The following GRIK2 variants were observed in gnomAD, a reference collection of about 807,000 sequenced individuals.
The protein encoded by GRIK2 is glutamate ionotropic receptor kainate type subunit 2.
Under a neutral mutation model 100.3 loss-of-function variants are expected in GRIK2, and 32 were observed. The observed-to-expected ratio is 0.32, with a 90% confidence interval of 0.24 to 0.43. The LOEUF (loss-of-function observed/expected upper bound fraction) is 0.43. GRIK2 is among the 20% of genes least tolerant of loss of function. The probability of loss-of-function intolerance (pLI) is 1.00; values close to 1 mark genes in which losing one functional copy is unlikely to be tolerated. For synonymous variants in GRIK2, 417 were observed against 389.4 expected (o/e 1.07, Z -0.83); for missense variants, 843 against 1,114.9 (o/e 0.76, Z 3.47).
At chr6:101,701,906 C>T (rs1190403991) in intron 7 of GRIK2, among the ~76,000 whole-genome samples, 1 of 151,998 alleles carries the variant, frequency 6.6e-6, no homozygotes, top group Non-Finnish European at 1.5e-5. Flanking sequence ...TAGAAGTTCT[C>T]TTAACCCACC....
rs972519107 is a variant in GRIK2, at chr6:101,632,595, G to A, written c.541+5958G>A. Among the ~76,000 whole-genome samples, 3 of 152,134 alleles carry A rather than the reference G, an allele frequency of 2.0e-5. No individual in the cohort carries two copies. The East Asian group carries it at 5.8e-4, about 29-fold the overall frequency. ...TTTCAAAAATTTTATAAGAAAGCTC[G>A]AGTGAATTGTGTTTCTTTGATTTCA... On this transcript the variant is annotated intron_variant, in intron 4 of 16. Transcript: ENST00000369134.
intron 4 of GRIK2, among the ~76,000 whole-genome samples, chr6:101,627,596 A>G (rs917005088): frequency 1.3e-5 from 2 of 152,222 alleles, no homozygotes; most frequent in Admixed American, 6.5e-5. Flanking sequence ...GAATGCATAT[A>G]AAACGTAACA....
chr6:101,986,655 T>A (rs1794031048), intron 14 of GRIK2, among the ~76,000 whole-genome samples: 1 of 151,892 alleles, frequency 6.6e-6, no homozygotes, highest in African/African-American at 2.4e-5. Context: ...CTTCCTTGCA[T>A]GAACTGACGG....
At chr6:101,631,809 C>A (rs1379553996) in intron 4 of GRIK2, among the ~76,000 whole-genome samples, 1 of 152,082 alleles carries the variant, frequency 6.6e-6, no homozygotes, top group Non-Finnish European at 1.5e-5. Context: ...TCTAACTGGT[C>A]TCCCTTTTTC....
At chr6:101,818,986 A>G (rs1426874092) in intron 10 of GRIK2, among the ~76,000 whole-genome samples, 2 of 152,096 alleles carry the variant, frequency 1.3e-5, no homozygotes, top group Non-Finnish European at 2.9e-5. Flanking sequence ...GAATTTCCCT[A>G]ATGTAACCAA....
intron 2 of GRIK2, among the ~76,000 whole-genome samples, chr6:101,608,811 G>GTGTA (rs1356943995): frequency 3.7e-4 from 36 of 98,178 alleles, no homozygotes; most frequent in South Asian, 1.3e-3. Flanking sequence ...GTGTGTGTGT[G>GTGTA]TGTATGTATG....
chr6:101,777,871 G>A (rs942097478), intron 7 of GRIK2, among the ~76,000 whole-genome samples: 3 of 152,148 alleles, frequency 2.0e-5, no homozygotes, highest in East Asian at 1.9e-4. Context: ...ATTTAGAAAC[G>A]GGACAGAGGC....
chr6:101,976,772 A>C (rs951999610), intron 14 of GRIK2, among the ~76,000 whole-genome samples: 1 of 151,788 alleles, frequency 6.6e-6, no homozygotes, highest in African/African-American at 2.4e-5. Context: ...CATAGGGAAG[A>C]GAAAAATGTC....
intron 2 of GRIK2, among the ~76,000 whole-genome samples, chr6:101,578,889 T>G (rs1777914502): frequency 6.6e-6 from 1 of 152,192 alleles, no homozygotes; most frequent in South Asian, 2.1e-4. Flanking sequence ...AAAACAGTTT[T>G]CAAAAGCAAT....
chr6:101,417,314 C>T (rs955280952), intron 2 of GRIK2, among the ~76,000 whole-genome samples: 11 of 152,136 alleles, frequency 7.2e-5, no homozygotes, highest in African/African-American at 2.7e-4. Flanking sequence ...GTTGGGGACA[C>T]AGCCAAACCA....
chr6:101,949,613 G>C (rs1168030410), intron 14 of GRIK2, among the ~76,000 whole-genome samples: 1 of 151,976 alleles, frequency 6.6e-6, no homozygotes, highest in Non-Finnish European at 1.5e-5. Context: ...GTGGTGTTTG[G>C]TTTTCTGTTC....
chr6:101,880,144 T>G (rs558072044), intron 11 of GRIK2, among the ~76,000 whole-genome samples: 1 of 152,090 alleles, frequency 6.6e-6, no homozygotes, highest in Admixed American at 6.6e-5. Context: ...GCTATTCTTA[T>G]GTCTAGCTAT....
intron 2 of GRIK2, among the ~76,000 whole-genome samples, chr6:101,612,195 AG>A (rs1779711574): frequency 6.6e-6 from 1 of 151,928 alleles, no homozygotes; most frequent in Non-Finnish European, 1.5e-5. Context: ...GTCTTGCTAA[AG>A]CAGAATTCAA....
chr6:101,797,273 G>A (rs1780365672), intron 7 of GRIK2, among the ~76,000 whole-genome samples: 1 of 148,856 alleles, frequency 6.7e-6, no homozygotes, highest in African/African-American at 2.5e-5. Flanking sequence ...TTTTACTCAT[G>A]ATTAATTCAC....
At chr6:101,723,046 G>C (rs1391722013) in intron 7 of GRIK2, among the ~76,000 whole-genome samples, 2 of 152,100 alleles carry the variant, frequency 1.3e-5, no homozygotes, top group South Asian at 2.1e-4. Flanking sequence ...AGTCATGCCT[G>C]GAGTAGGTGA....
chr6:101,572,615 T>G (rs1435263097), intron 2 of GRIK2, among the ~76,000 whole-genome samples: 1 of 151,920 alleles, frequency 6.6e-6, no homozygotes, highest in Non-Finnish European at 1.5e-5. Flanking sequence ...GTGTTCCTTT[T>G]AGAGTGACTC....
At chr6:101,902,105 C>T (rs949322086) in intron 12 of GRIK2, among the ~76,000 whole-genome samples, 6 of 151,902 alleles carry the variant, frequency 3.9e-5, no homozygotes, top group Non-Finnish European at 7.4e-5. Context: ...AAAGGGCTTT[C>T]CTTTGTAGCA....
chr6:101,777,443 GTTAATATCTGTATTATCTAACTAAAGAAC>G (rs1778816846), intron 7 of GRIK2, among the ~76,000 whole-genome samples: 1 of 152,206 alleles, frequency 6.6e-6, no homozygotes, highest in African/African-American at 2.4e-5. Flanking sequence ...GCCCATCACT[GTTAATATCTGTATTATCTAACTAAAGAAC>G]TAACATTTGT....
chr6:101,401,945 G>C (rs1240972723), intron 2 of GRIK2, among the ~76,000 whole-genome samples: 4 of 152,132 alleles, frequency 2.6e-5, no homozygotes, highest in South Asian at 4.2e-4. Context: ...GCTAGGCGCC[G>C]GCAGCCGCCA....
Sources: gnomAD v4.1 joint callset for allele counts (sites outside exome capture counted in the v4.1 genomes callset) on GRCh38, gnomAD v4.1.1 for gene constraint, MANE v1.5 for transcripts, NCBI Gene and HGNC (gene_info 2026-07-23, HGNC 2026-07-21) for gene names.